The following HECW1 variants were observed in gnomAD, a reference collection of about 807,000 sequenced individuals.
The protein encoded by HECW1 is E3 ubiquitin-protein ligase HECW1.
In HECW1, 61 loss-of-function variants were observed where a neutral mutation model predicts 182.3. The ratio of observed to expected loss-of-function variants is 0.33; its 90% CI spans 0.27 to 0.41. The LOEUF is 0.41. Ranked by LOEUF, HECW1 falls within the 10% of genes least tolerant of loss-of-function variation. The probability of loss-of-function intolerance (pLI) is 1.00; values close to 1 mark genes in which losing one functional copy is unlikely to be tolerated. For synonymous variants in HECW1, 859 were observed against 832.6 expected, an observed-to-expected ratio of 1.03 and a Z score of -0.55; for missense variants, 1,739 against 2,108.9, an observed-to-expected ratio of 0.82 and a Z score of 3.44.
At chr7:43,194,231 A>T (rs952056400) in intron 2 of HECW1, among the ~76,000 whole-genome samples, 5 of 151,956 alleles carry the variant, frequency 3.3e-5, no homozygotes, top group African/African-American at 1.2e-4. Context: ...AGTGGCTTGG[A>T]ATTCTATTTT....
rs540350809 is a variant in HECW1 at position 43,474,779 on chromosome 7, T to C, written c.3100-4831T>C. 7.2e-5 allele frequency among the ~76,000 whole-genome samples: 11 copies of C among 152,328 alleles called. No individual in the cohort carries two copies. The South Asian group carries it at 2.3e-3, about 32-fold the overall frequency. On this transcript the variant is annotated intron_variant, in intron 16 of 29. Coordinates refer to ENST00000395891, the MANE Select transcript of HECW1 (RefSeq NM_015052.5). The stretch of plus-strand genomic sequence containing the variant: ...GAATGGATAAACAAAATGTGGTATA[T>C]ACCTGCAATGAAATGTTTGTCCTTA...
intron 2 of HECW1, among the ~76,000 whole-genome samples, chr7:43,126,067 C>CTTT (rs71008891): frequency 0.037 from 3,888 of 103,722 alleles, 4 homozygotes; most frequent in East Asian, 0.045. Flanking sequence ...TTTGTTCTCA[C>CTTT]TTTTTTTTTT....
chr7:43,555,585 A>G (rs2081989813), intron 29 of HECW1, among the ~76,000 whole-genome samples: 1 of 152,242 alleles, frequency 6.6e-6, no homozygotes, highest in African/African-American at 2.4e-5. Context: ...ACTCAGCTCT[A>G]TTTCTACATG....
intron 2 of HECW1, among the ~76,000 whole-genome samples, chr7:43,171,366 A>G (rs927649406): frequency 2.6e-4 from 39 of 152,142 alleles, no homozygotes; most frequent in African/African-American, 9.4e-4. Context: ...ATTTTTTCAC[A>G]GTTGTATTTT....
intron 5 of HECW1, among the ~76,000 whole-genome samples, chr7:43,359,274 G>A (rs1272851103): frequency 2.0e-5 from 3 of 152,238 alleles, no homozygotes; most frequent in South Asian, 4.1e-4. Flanking sequence ...ATTCTGCCAG[G>A]GAGGCTGCAA....
intron 2 of HECW1, among the ~76,000 whole-genome samples, chr7:43,169,498 G>T (rs985867440): frequency 2.6e-5 from 4 of 152,096 alleles, no homozygotes; most frequent in Non-Finnish European, 5.9e-5. Flanking sequence ...AACCACTGGT[G>T]TCCAGAGAAA....
intron 2 of HECW1, among the ~76,000 whole-genome samples, chr7:43,158,575 A>G (rs1173368343): frequency 6.6e-6 from 1 of 152,182 alleles, no homozygotes; most frequent in Admixed American, 6.5e-5. Context: ...TAAAAACTGG[A>G]TATTTCATGA....
chr7:43,207,575 C>T (rs1795602185), intron 2 of HECW1, among the ~76,000 whole-genome samples: 1 of 152,036 alleles, frequency 6.6e-6, no homozygotes, highest in Non-Finnish European at 1.5e-5. Flanking sequence ...AGAACTGATC[C>T]CTCTTGTCTA....
Position 43,361,057 on chromosome 7 carries a change from C to CGT in HECW1, c.555+108_555+109dup, listed in dbSNP as rs3032904. On this transcript the variant is annotated intron_variant, in intron 6 of 29. Coordinates refer to ENST00000395891, the MANE Select transcript of HECW1 (RefSeq NM_015052.5). ...CTTTCCTATTTTGTTCTTGTGCGTG[C>CGT]GTGTGTGTGTGTGTGTGTGTGTGTG... 4.7e-3 allele frequency: 3,006 copies of CGT among 637,802 alleles called. 4 individuals are homozygous for CGT. The highest frequency in any genetic ancestry group is 5.9e-3 in the South Asian group (299 of 50,450). The allele number at this position is 637,802 out of a possible 1,614,324, so 39.5% of individuals were successfully genotyped here.
intron 17 of HECW1, among the ~76,000 whole-genome samples, chr7:43,486,409 C>T (rs1218099148): frequency 6.6e-6 from 1 of 152,000 alleles, no homozygotes; most frequent in African/African-American, 2.4e-5. Context: ...TCAAGTGATT[C>T]TTCTGCCTCA....
At chr7:43,313,388 A>T (rs61544473) in intron 4 of HECW1, among the ~76,000 whole-genome samples, 1 of 143,658 alleles carries the variant, frequency 7.0e-6, no homozygotes, top group African/African-American at 2.7e-5. Context: ...CACAGGCTGG[A>T]GTTCAGTGGT....
intron 4 of HECW1, among the ~76,000 whole-genome samples, chr7:43,319,159 G>A (rs1030015865): frequency 4.6e-5 from 7 of 151,738 alleles, no homozygotes; most frequent in African/African-American, 7.3e-5. Flanking sequence ...AGGCCGAGGC[G>A]GGTGGATCAT....
At chr7:43,536,692 C>T (rs1474935275) in intron 24 of HECW1, among the ~76,000 whole-genome samples, 1 of 152,146 alleles carries the variant, frequency 6.6e-6, no homozygotes. Context: ...AGCCAGGGTG[C>T]CCAACACAGC....
Position 43,468,983 on chromosome 7 carries a change from G to A in HECW1, c.2977G>A (p.Asp993Asn), listed in dbSNP as rs1482563370. ...LKHMILKVRR[D>N]ARNFERYQHN... ...GCACATGATTCTGAAAGTCCGACGG[G>A]ATGCTCGCAATTTTGAACGCTACCA... The change falls in exon 16 of 30, where the codon GAT (aspartate) becomes AAT (asparagine). Residue 993 changes from aspartate (D) to asparagine (N), a missense_variant. Coordinates refer to ENST00000395891, the MANE Select transcript of HECW1 (RefSeq NM_015052.5). The A allele has an allele frequency of 2.5e-6, 4 of 1,614,068 alleles. No individual in the cohort carries two copies. The East Asian group carries it at 8.9e-5, about 36-fold the overall frequency.
At chr7:43,482,989 G>A (rs1249618159) in intron 17 of HECW1, among the ~76,000 whole-genome samples, 1 of 152,150 alleles carries the variant, frequency 6.6e-6, no homozygotes, top group Non-Finnish European at 1.5e-5. Context: ...GGATGGGGAA[G>A]GGAAGCCTTA....
chr7:43,448,973 G>T (rs1027309665), intron 11 of HECW1, among the ~76,000 whole-genome samples: 1 of 152,076 alleles, frequency 6.6e-6, no homozygotes, highest in African/African-American at 2.4e-5. Flanking sequence ...CCATTCAGTC[G>T]GCTGAGACAT....
At chr7:43,115,349 G>A (rs571268185) in intron 2 of HECW1, among the ~76,000 whole-genome samples, 1 of 149,456 alleles carries the variant, frequency 6.7e-6, no homozygotes, top group Non-Finnish European at 1.5e-5. Context: ...TGGAGGGTTG[G>A]GGAAAAGAGA....
chr7:43,442,577 T>C lies in HECW1; in HGVS notation c.993T>C (p.His331=), dbSNP rs375464510. Residue 331 remains histidine (H), a synonymous_variant, in exon 10 of 30, where the codon CAT becomes CAC. Transcript: ENST00000395891. Reference sequence around the variant, plus strand: ...TTGGCCGCAGGCTTCCAACAGATCATGTGAGTGGACAGCTGCAATTCCGAT... The same window carrying C: ...TTGGCCGCAGGCTTCCAACAGATCACGTGAGTGGACAGCTGCAATTCCGAT... ...YTLGRRLPTD[H]VSGQLQFRFE... is the part of the protein sequence containing the mutation. 3 of 1,613,906 alleles carry C rather than the reference T, an allele frequency of 1.9e-6. No individual in the cohort carries two copies. The highest frequency in any genetic ancestry group is 4.5e-5 in the East Asian group (2 of 44,896).
chr7:43,395,931 ACT>A (rs2075215325), intron 6 of HECW1, among the ~76,000 whole-genome samples: 1 of 152,194 alleles, frequency 6.6e-6, no homozygotes, highest in Non-Finnish European at 1.5e-5. Flanking sequence ...AAATAGTGAG[ACT>A]CTGAGCAAGA....
Sources: allele counts gnomAD v4.1 joint callset (sites outside exome capture counted in the v4.1 genomes callset), GRCh38; gene constraint gnomAD v4.1.1; transcripts MANE v1.5; gene names NCBI Gene and HGNC (gene_info 2026-07-23, HGNC 2026-07-21).